ZNF420: variants seen among roughly 807,000 people sequenced by gnomAD.
ZNF420 encodes ATM and p53-associated KZNF protein.
Under a neutral mutation model 44.7 loss-of-function variants are expected in ZNF420, and 31 were observed. The ratio of observed to expected loss-of-function variants is 0.69; its 90% confidence interval spans 0.52 to 0.94. ZNF420 has a LOEUF of 0.94. ZNF420 is among the 40% of genes least tolerant of loss of function. The pLI, the probability that ZNF420 is intolerant of heterozygous loss-of-function variation, is 0.00. For synonymous variants in ZNF420, 245 were observed against 267.4 expected (o/e 0.92, Z 0.82); for missense variants, 681 against 827.9 (o/e 0.82, Z 2.18).
intron 4 of ZNF420, chr19:37,092,134 G>GT (rs1969187964): frequency 6.6e-6 from 1 of 151,996 alleles, no homozygotes; most frequent in African/African-American, 2.4e-5. Flanking sequence ...TTTATTCCTT[G>GT]TGCTGGAATA....
intron 1 of ZNF420, among the ~76,000 whole-genome samples, chr19:37,038,393 T>G (rs1285379399): frequency 6.6e-6 from 1 of 152,144 alleles, no homozygotes; most frequent in Non-Finnish European, 1.5e-5. Context: ...GACAATGTAG[T>G]TTGCTGCATT....
chr19:37,046,214 AAT>A, intron 1 of ZNF420, among the ~76,000 whole-genome samples: 1 of 152,292 alleles, frequency 6.6e-6, no homozygotes, highest in Admixed American at 6.5e-5. Context: ...ATCTCAAACT[AAT>A]ACAGGAGGTG....
chr19:37,099,277 G>A (rs1969627591), intron 4 of ZNF420, among the ~76,000 whole-genome samples: 1 of 152,026 alleles, frequency 6.6e-6, no homozygotes, highest in African/African-American at 2.4e-5. Flanking sequence ...CATAATGGCT[G>A]TGCTAATTTA....
chr19:37,010,482 T>G (rs1449750804), intron 1 of ZNF420, among the ~76,000 whole-genome samples: 1 of 152,044 alleles, frequency 6.6e-6, no homozygotes, highest in Non-Finnish European at 1.5e-5. Flanking sequence ...GGCTATGTGT[T>G]TCTGTGCCAC....
rs1970451381 is a variant in ZNF420 at position 37,112,810 on chromosome 19, T to A, written c.137-14318T>A. 2.6e-5 allele frequency among the ~76,000 whole-genome samples: 4 copies of A among 152,344 alleles called. No homozygotes were observed. The South Asian group carries it at 8.3e-4, about 32-fold the overall frequency. On this transcript the variant is annotated intron_variant, in intron 4 of 4. Coordinates refer to ENST00000337995, the MANE Select transcript of ZNF420 (RefSeq NM_144689.5). ...GTAGTCTGAATCAACCACACCAGTA[T>A]GAATTTGAACTCCCTTTAGATTTAG... is the stretch of plus-strand genomic sequence containing the variant.
chr19:37,067,791 T>C (rs1967992887), intron 1 of ZNF420, among the ~76,000 whole-genome samples: 4 of 152,148 alleles, frequency 2.6e-5, no homozygotes, highest in Admixed American at 2.6e-4. Context: ...AACACTCAGC[T>C]CATAAAACAT....
At chr19:37,043,023 A>G (rs1189040702) in intron 1 of ZNF420, among the ~76,000 whole-genome samples, 1 of 152,176 alleles carries the variant, frequency 6.6e-6, no homozygotes, top group African/African-American at 2.4e-5. Flanking sequence ...ATTTTTATCA[A>G]TTAACTTTGC....
chr19:37,129,836 G>T lies in ZNF420; in HGVS notation c.*778G>T. ...GACAAGGTGTGAAGTGATTTTTAAC[G>T]AAGTCTAAGATCCAAAGTCTAATAA... On this transcript the variant is annotated 3_prime_UTR_variant, in exon 5 of 5. Coordinates refer to ENST00000337995, the MANE Select transcript of ZNF420 (RefSeq NM_144689.5). 1.7e-6 allele frequency: 1 copy of T among 589,456 alleles called. No individual in the cohort carries two copies. The allele number at this position is 589,456 out of a possible 1,614,324, so 36.5% of individuals were successfully genotyped here.
At chr19:37,089,627 T>C (rs1011219950) in intron 3 of ZNF420, among the ~76,000 whole-genome samples, 4 of 152,238 alleles carry the variant, frequency 2.6e-5, no homozygotes, top group African/African-American at 9.6e-5. Flanking sequence ...TATGGATCAA[T>C]TTGAAATTCG....
chr19:37,043,058 G>T (rs959527416), intron 1 of ZNF420, among the ~76,000 whole-genome samples: 2 of 152,010 alleles, frequency 1.3e-5, no homozygotes, highest in African/African-American at 4.8e-5. Context: ...CTGATTCATG[G>T]CCTCCCAAAA....
Position 37,091,056 on chromosome 19 carries a change from AC to A in ZNF420, c.72del (p.Ser25LeufsTer10). On this transcript the variant is annotated frameshift_variant, in exon 4 of 5. Coordinates refer to ENST00000337995, the MANE Select transcript of ZNF420 (RefSeq NM_144689.5). LOFTEE classifies it high-confidence loss of function. Reference sequence around the variant, plus strand: ...TCTCAGGAAGAGTGGGAATGCCTGGACTCTGCTCAGAGAGATTTGTATAGAG... The same window carrying A: ...TCTCAGGAAGAGTGGGAATGCCTGGATCTGCTCAGAGAGATTTGTATAGAG... Reference protein sequence around the residue: ...DFSQEEWECLDSAQRDLYRDV... With the variant: ...DFSQEEWECLXSAQRDLYRDV... 12 of 1,613,280 alleles carry A rather than the reference AC, an allele frequency of 7.4e-6. No individual in the cohort carries two copies. Among genetic ancestry groups the A allele is most frequent in the Non-Finnish European group, 1.0e-5 (12 of 1,179,740 alleles).
chr19:37,034,142 CA>C (rs530192696), intron 1 of ZNF420, among the ~76,000 whole-genome samples: 86 of 151,888 alleles, frequency 5.7e-4, no homozygotes, highest in Non-Finnish European at 9.7e-4. Flanking sequence ...TGGAAAGGCA[CA>C]AGGGTTCTGA....
chr19:37,009,630 G>C (rs1379226177), intron 1 of ZNF420, among the ~76,000 whole-genome samples: 3 of 152,190 alleles, frequency 2.0e-5, no homozygotes, highest in Non-Finnish European at 2.9e-5. Flanking sequence ...TGGCAAGCGG[G>C]GCAGGCCACT....
At chr19:37,117,667 T>C (rs1445070276) in intron 4 of ZNF420, among the ~76,000 whole-genome samples, 3 of 151,828 alleles carry the variant, frequency 2.0e-5, no homozygotes, top group Non-Finnish European at 4.4e-5. Context: ...ACGATCAAAC[T>C]ACTCCCGAGC....
chr19:37,113,459 C>T (rs1463742093), intron 4 of ZNF420, among the ~76,000 whole-genome samples: 1 of 152,186 alleles, frequency 6.6e-6, no homozygotes, highest in Non-Finnish European at 1.5e-5. Flanking sequence ...TCTGATCCCA[C>T]TGGGACCTTT....
At chr19:37,088,424 C>G (rs767859814) in intron 2 of ZNF420, among the ~76,000 whole-genome samples, 1 of 152,278 alleles carries the variant, frequency 6.6e-6, no homozygotes, top group South Asian at 2.1e-4. Flanking sequence ...GGCTCTACTT[C>G]GCTTAAGAAA....
intron 4 of ZNF420, among the ~76,000 whole-genome samples, chr19:37,116,276 A>G (rs1970675633): frequency 6.6e-6 from 1 of 151,108 alleles, no homozygotes; most frequent in South Asian, 2.1e-4. Flanking sequence ...AGCTGAGGCA[A>G]GAGAATTGCT....
intron 1 of ZNF420, among the ~76,000 whole-genome samples, chr19:37,078,869 G>A (rs1310855218): frequency 6.6e-6 from 1 of 152,208 alleles, no homozygotes; most frequent in African/African-American, 2.4e-5. Flanking sequence ...ACTATGAAGT[G>A]TGTGACAGTT....
chr19:37,032,200 C>T (rs1045877701), intron 1 of ZNF420, among the ~76,000 whole-genome samples: 1 of 151,994 alleles, frequency 6.6e-6, no homozygotes, highest in African/African-American at 2.4e-5. Context: ...ATTAGCCTGG[C>T]GTGGTGGCAT....
Sources: gnomAD v4.1 joint callset for allele counts (sites outside exome capture counted in the v4.1 genomes callset) on GRCh38, gnomAD v4.1.1 for gene constraint, MANE v1.5 for transcripts, NCBI Gene and HGNC (gene_info 2026-07-23, HGNC 2026-07-21) for gene names.